PRIMPOL: variants seen among roughly 807,000 people sequenced by gnomAD.
The protein encoded by PRIMPOL is primase and DNA directed polymerase.
Under a neutral mutation model 63.6 loss-of-function variants are expected in PRIMPOL, and 54 were observed. The ratio of observed to expected loss-of-function variants is 0.85; its 90% confidence interval spans 0.68 to 1.07. The LOEUF (loss-of-function observed/expected upper bound fraction) is 1.07. Among genes scored for constraint, PRIMPOL ranks in the 50% least tolerant of loss-of-function variants. The probability of loss-of-function intolerance (pLI) is 0.00; values close to 1 mark genes in which losing one functional copy is unlikely to be tolerated. For synonymous variants in PRIMPOL, 197 were observed against 220.2 expected, an observed-to-expected ratio of 0.89 and a Z score of 0.93; for missense variants, 610 against 648.3, an observed-to-expected ratio of 0.94 and a Z score of 0.64.
chr4:184,657,262 T>C lies in PRIMPOL; in HGVS notation c.122T>C (p.Ile41Thr), dbSNP rs1309599524. The C allele has an allele frequency of 6.2e-7, 1 of 1,613,910 alleles. No homozygotes were observed. The highest frequency in any genetic ancestry group is 8.5e-7 in the Non-Finnish European group (1 of 1,179,942). The change falls in exon 3 of 14, where the codon ATC becomes ACC. Residue 41 changes from isoleucine to threonine, a missense_variant. This residue lies in a region of PRIMPOL where 159 missense variants were observed against 168.9 expected (regional missense o/e 0.94). Transcript: ENST00000314970. ...TCCAAGCCAGAAGAACCACCCTCCA[T>C]CTGGAGACTATTTCATCGACAAGCT... The part of the protein sequence containing the change: ...RLSKPEEPPS[I>T]WRLFHRQAQA...
intron 5 of PRIMPOL, among the ~76,000 whole-genome samples, chr4:184,662,844 T>C (rs2150057167): frequency 6.6e-6 from 1 of 151,840 alleles, no homozygotes; most frequent in South Asian, 2.1e-4. Context: ...TTAAAAAATA[T>C]ATAGAATGTT....
chr4:184,668,810 G>A (rs1438327245), intron 6 of PRIMPOL, among the ~76,000 whole-genome samples: 2 of 151,934 alleles, frequency 1.3e-5, no homozygotes, highest in African/African-American at 4.8e-5. Context: ...CTCTAGGGCA[G>A]GGACTGTTTC....
chr4:184,693,365 G>A (rs1438072143), intron 13 of PRIMPOL, among the ~76,000 whole-genome samples: 1 of 152,110 alleles, frequency 6.6e-6, no homozygotes, highest in Non-Finnish European at 1.5e-5. Context: ...GGATTTTTAA[G>A]CTACTTTTTC....
intron 8 of PRIMPOL, among the ~76,000 whole-genome samples, chr4:184,681,699 C>A (rs1755672432): frequency 6.6e-6 from 1 of 152,030 alleles, no homozygotes; most frequent in South Asian, 2.1e-4. Context: ...CTCAGCCTCC[C>A]ATGTAGCTGG....
At chr4:184,667,007 G>A (rs2150071571) in intron 6 of PRIMPOL, among the ~76,000 whole-genome samples, 1 of 152,334 alleles carries the variant, frequency 6.6e-6, no homozygotes, top group Admixed American at 6.5e-5. Flanking sequence ...ATGATTGACT[G>A]AAGCTCAGGT....
intron 1 of PRIMPOL, among the ~76,000 whole-genome samples, chr4:184,650,371 A>G (rs1743912038): frequency 2.6e-5 from 4 of 152,268 alleles, no homozygotes; most frequent in African/African-American, 7.2e-5. Flanking sequence ...GACGGCGTCA[A>G]TTAAGCCGGC....
At chr4:184,656,296 C>T (rs10034861) in intron 2 of PRIMPOL, among the ~76,000 whole-genome samples, 15,360 of 151,934 alleles carry the variant, frequency 0.1, 896 homozygotes, top group Middle Eastern at 0.16. Flanking sequence ...AGAGTCAGTA[C>T]GAGAGTGAGT....
intron 11 of PRIMPOL, among the ~76,000 whole-genome samples, chr4:184,686,321 TG>T (rs1482065669): frequency 6.6e-6 from 1 of 152,176 alleles, no homozygotes; most frequent in African/African-American, 2.4e-5. Context: ...CTGTCCTTCC[TG>T]TTGCCATTGG....
At chr4:184,668,445 A>G (rs1750680098) in intron 6 of PRIMPOL, among the ~76,000 whole-genome samples, 1 of 152,250 alleles carries the variant, frequency 6.6e-6, no homozygotes, top group Non-Finnish European at 1.5e-5. Context: ...AAAAGCATGG[A>G]TGCCGTAGCT....
chr4:184,671,946 T>C (rs1424518379), intron 6 of PRIMPOL, among the ~76,000 whole-genome samples: 3 of 151,896 alleles, frequency 2.0e-5, no homozygotes, highest in Non-Finnish European at 2.9e-5. Context: ...TTCACCGTGT[T>C]AACCAGGATG....
intron 7 of PRIMPOL, among the ~76,000 whole-genome samples, chr4:184,676,423 TCCCTTCCCCCTTC>T (rs1753483246): frequency 1.3e-5 from 1 of 76,492 alleles, no homozygotes; most frequent in African/African-American, 7.4e-5. Context: ...CCTTCCCTTC[TCCCTTCCCCCTTC>T]CCTTCTCCCT....
chr4:184,672,166 T>G lies in PRIMPOL; in HGVS notation c.557-7T>G. 1 of 1,604,568 alleles carries G rather than the reference T, an allele frequency of 6.2e-7. No homozygotes were observed. Among genetic ancestry groups the G allele is most frequent in the Non-Finnish European group, 8.5e-7 (1 of 1,176,356 alleles). On this transcript the variant is annotated splice_region_variant and splice_polypyrimidine_tract_variant and intron_variant, in intron 6 of 13. Transcript: ENST00000314970. ...TCCAGGTGAATGATAATAGCTTTTT[T>G]CCTTAGGTAATTTTTTGAGAAAAAT...
At chr4:184,683,836 A>G (rs1224504286) in intron 9 of PRIMPOL, among the ~76,000 whole-genome samples, 1 of 152,194 alleles carries the variant, frequency 6.6e-6, no homozygotes, top group Non-Finnish European at 1.5e-5. Flanking sequence ...GTACAACAAA[A>G]TTGAATTGGT....
At chr4:184,690,820 C>T (rs1470102617) in intron 11 of PRIMPOL, among the ~76,000 whole-genome samples, 2 of 152,198 alleles carry the variant, frequency 1.3e-5, no homozygotes, top group Non-Finnish European at 2.9e-5. Flanking sequence ...TTAATATGTA[C>T]ACTTCCAGTC....
At chr4:184,656,642 C>T (rs1418420386) in intron 2 of PRIMPOL, among the ~76,000 whole-genome samples, 1 of 152,066 alleles carries the variant, frequency 6.6e-6, no homozygotes, top group Non-Finnish European at 1.5e-5. Context: ...GAATTCTACA[C>T]TGAGAAATAA....
At chr4:184,666,602 C>T (rs898295481) in intron 6 of PRIMPOL, among the ~76,000 whole-genome samples, 2 of 152,180 alleles carry the variant, frequency 1.3e-5, no homozygotes, top group African/African-American at 4.8e-5. Context: ...CTGGGATGGC[C>T]ATCCATGTCC....
chr4:184,671,265 C>T (rs1751530697), intron 6 of PRIMPOL, among the ~76,000 whole-genome samples: 1 of 152,150 alleles, frequency 6.6e-6, no homozygotes, highest in Non-Finnish European at 1.5e-5. Flanking sequence ...GAGGTAGGAG[C>T]AGCAGCCTAG....
chr4:184,681,846 T>C (rs112743737), intron 8 of PRIMPOL, among the ~76,000 whole-genome samples: 19,870 of 152,222 alleles, frequency 0.13, 1,377 homozygotes, highest in Middle Eastern at 0.18. Context: ...AGTCCTGGGA[T>C]TATAGGCGTG....
At chr4:184,669,890 G>A (rs1445935717) in intron 6 of PRIMPOL, among the ~76,000 whole-genome samples, 1 of 152,078 alleles carries the variant, frequency 6.6e-6, no homozygotes, top group East Asian at 1.9e-4. Context: ...ATTTTTCCTT[G>A]TTTCTTCCTT....
Sources: gnomAD v4.1 joint callset for allele counts (sites outside exome capture counted in the v4.1 genomes callset) on GRCh38, gnomAD v4.1.1 for gene constraint, gnomAD v4.1.1 regional missense constraint, MANE v1.5 for transcripts, NCBI Gene and HGNC (gene_info 2026-07-23, HGNC 2026-07-21) for gene names.